ST7: variants seen among roughly 807,000 people sequenced by gnomAD.
ST7 encodes suppression of tumorigenicity 7, also known as suppressor of tumorigenicity 7 protein.
A neutral mutation model predicts 78.7 loss-of-function variants in ST7; 28 were observed. The ratio of observed to expected loss-of-function variants is 0.36; its 90% CI spans 0.26 to 0.49. The LOEUF is 0.49. Ranked by LOEUF, ST7 falls within the 20% of genes least tolerant of loss-of-function variation. The pLI is 0.99. For missense variants in ST7, 418 were observed against 696.0 expected (o/e 0.60, Z 4.49); for synonymous variants, 247 against 249.6 (o/e 0.99, Z 0.10).
intron 10 of ST7, chr7:117,187,455 T>C (rs983347155): frequency 6.6e-6 from 1 of 152,350 alleles, no homozygotes; most frequent in East Asian, 1.9e-4. Flanking sequence ...CGTCATAATG[T>C]TGCTGAATGC....
At chr7:117,134,299 G>T in intron 7 of ST7, 107 bp downstream of exon 7, 2 of 1,521,246 alleles carry the variant, frequency 1.3e-6, no homozygotes, top group South Asian at 2.4e-5. Context: ...TTCTGTATGT[G>T]TATTGTGTTG....
intron 13 of ST7, among the ~76,000 whole-genome samples, chr7:117,215,557 G>C (rs1410037632): frequency 6.6e-6 from 1 of 152,118 alleles, no homozygotes; most frequent in Non-Finnish European, 1.5e-5. Context: ...TGAGGCCTGT[G>C]GTATTCTCAT....
At chr7:117,147,788 G>A (rs552815121) in intron 9 of ST7, among the ~76,000 whole-genome samples, 25 of 151,740 alleles carry the variant, frequency 1.6e-4, no homozygotes, top group African/African-American at 5.8e-4. Flanking sequence ...TTTACCATTT[G>A]ATCCTAAGCA....
intron 15 of ST7, among the ~76,000 whole-genome samples, chr7:117,225,022 C>G (rs916763412): frequency 6.6e-6 from 1 of 152,166 alleles, no homozygotes; most frequent in Admixed American, 6.5e-5. Flanking sequence ...GTCAAGCACT[C>G]CCCTGGTGAT....
intron 10 of ST7, among the ~76,000 whole-genome samples, chr7:117,174,346 C>A (rs1195208522): frequency 6.6e-6 from 1 of 152,138 alleles, no homozygotes. Flanking sequence ...TGTAATGTAT[C>A]AGTATCATAC....
intron 9 of ST7, among the ~76,000 whole-genome samples, chr7:117,166,908 T>C (rs549790927): frequency 6.6e-6 from 1 of 151,656 alleles, no homozygotes; most frequent in Admixed American, 6.6e-5. Flanking sequence ...AAAAAGCCTT[T>C]ATGACAATAT....
intron 12 of ST7, among the ~76,000 whole-genome samples, chr7:117,197,174 A>G (rs1329875220): frequency 6.6e-6 from 1 of 152,110 alleles, no homozygotes; most frequent in African/African-American, 2.4e-5. Context: ...AGCTGGGACT[A>G]TAGGTATGCG....
chr7:117,189,605 A>G (rs1256126478), intron 11 of ST7, among the ~76,000 whole-genome samples: 4 of 152,222 alleles, frequency 2.6e-5, no homozygotes, highest in African/African-American at 9.6e-5. Flanking sequence ...ATCCTAAAGC[A>G]GGATTTATTT....
At chr7:117,204,103 G>A (rs1316808445) in intron 12 of ST7, among the ~76,000 whole-genome samples, 2 of 152,128 alleles carry the variant, frequency 1.3e-5, no homozygotes, top group African/African-American at 2.4e-5. Flanking sequence ...AATGACCCTC[G>A]TTAGCCCAGG....
intron 1 of ST7, among the ~76,000 whole-genome samples, chr7:117,054,024 G>C (rs1797933439): frequency 6.6e-6 from 1 of 152,072 alleles, no homozygotes; most frequent in African/African-American, 2.4e-5. Context: ...TTTTAGTAGA[G>C]ATGGGGTTTC....
intron 9 of ST7, among the ~76,000 whole-genome samples, chr7:117,154,186 C>G (rs1402908124): frequency 6.6e-6 from 1 of 152,118 alleles, no homozygotes; most frequent in Admixed American, 6.5e-5. Flanking sequence ...AGAGCCCTTA[C>G]AGATAAGACC....
chr7:117,159,358 T>C (rs7788087), intron 9 of ST7, among the ~76,000 whole-genome samples: 7,767 of 152,284 alleles, frequency 0.051, 674 homozygotes, highest in African/African-American at 0.18. Context: ...CCATCCCATG[T>C]TCTTCCCCAT....
At chr7:117,017,290 G>T (rs1286807007) in intron 1 of ST7, among the ~76,000 whole-genome samples, 1 of 152,176 alleles carries the variant, frequency 6.6e-6, no homozygotes, top group Non-Finnish European at 1.5e-5. Context: ...TCATAGGGGA[G>T]GGACTCTGTT....
intron 1 of ST7, among the ~76,000 whole-genome samples, chr7:116,995,544 C>A (rs1351294675): frequency 6.6e-6 from 1 of 152,324 alleles, no homozygotes; most frequent in Non-Finnish European, 1.5e-5. Context: ...GGGAAGCAAT[C>A]CTGAGTGAGA....
intron 2 of ST7, among the ~76,000 whole-genome samples, chr7:117,105,034 G>A (rs1162512887): frequency 6.6e-6 from 1 of 152,026 alleles, no homozygotes; most frequent in African/African-American, 2.4e-5. Context: ...TTTTCTTGAG[G>A]GTAATACATG....
intron 9 of ST7, among the ~76,000 whole-genome samples, chr7:117,151,567 T>G (rs1208241643): frequency 6.6e-6 from 1 of 152,232 alleles, no homozygotes; most frequent in East Asian, 1.9e-4. Flanking sequence ...CTATTTTTCT[T>G]ATTTTTTAAT....
chr7:116,972,467 G>C, intron 1 of ST7: 1 of 809,414 alleles, frequency 1.2e-6, no homozygotes, highest in Non-Finnish European at 2.1e-6. Context: ...TACTCTGCCA[G>C]CTCAGTTTGT....
rs531247188 is a variant in ST7, at chr7:117,160,419, T to C, written c.964-10443T>C. ...ATCCCCGTCTTACTGATGAGGAAAA[T>C]GAGCTCACCTGGTGCTAAGAAACTT... On this transcript the variant is annotated intron_variant, in intron 9 of 15. Transcript: ENST00000323984. Among the ~76,000 whole-genome samples, 160 of 151,724 alleles carry C rather than the reference T, an allele frequency of 1.1e-3. 1 individual carries two copies. The highest frequency in any genetic ancestry group is 3.4e-3 in the Middle Eastern group (1 of 294).
intron 1 of ST7, among the ~76,000 whole-genome samples, chr7:117,077,105 A>G (rs1368642924): frequency 6.6e-6 from 1 of 152,062 alleles, no homozygotes; most frequent in African/African-American, 2.4e-5. Context: ...TTTTGAAGTA[A>G]TGTCGTCAAG....
Sources: gnomAD v4.1 joint callset for allele counts (sites outside exome capture counted in the v4.1 genomes callset) on GRCh38, gnomAD v4.1.1 for gene constraint, MANE v1.5 for transcripts, NCBI Gene and HGNC (gene_info 2026-07-23, HGNC 2026-07-21) for gene names.